Variants in ATAD2 observed in about 807,000 individuals in gnomAD.
ATAD2 encodes ATPase family AAA domain-containing protein 2.
In ATAD2, 62 loss-of-function variants were observed where a neutral mutation model predicts 168.9. The observed-to-expected ratio is 0.37, with a 90% confidence interval of 0.30 to 0.45. ATAD2 has a LOEUF of 0.45. ATAD2 is among the 20% of genes least tolerant of loss of function. ATAD2 has a pLI of 1.00. For missense variants in ATAD2, 1,419 were observed against 1,667.8 expected (o/e 0.85, Z 2.60); for synonymous variants, 613 against 571.6 (o/e 1.07, Z -1.03).
At chr8:123,390,437 G>A (rs1295605459) in intron 1 of ATAD2, among the ~76,000 whole-genome samples, 1 of 152,026 alleles carries the variant, frequency 6.6e-6, no homozygotes, top group Non-Finnish European at 1.5e-5. Context: ...GCCCTTTCTT[G>A]CTTATGACTG....
At chr8:123,337,082 G>C (rs1172423470) in intron 21 of ATAD2, among the ~76,000 whole-genome samples, 1 of 150,632 alleles carries the variant, frequency 6.6e-6, no homozygotes, top group Non-Finnish European at 1.5e-5. Flanking sequence ...AAAAGGGGGG[G>C]CCGAGCATGG....
chr8:123,381,880 C>G (rs1829503773), intron 1 of ATAD2, among the ~76,000 whole-genome samples: 1 of 152,112 alleles, frequency 6.6e-6, no homozygotes, highest in Admixed American at 6.6e-5. Flanking sequence ...AACCCCGTCT[C>G]TACTAAAATA....
upstream of ATAD2, chr8:123,401,269 T>TA: frequency 9.8e-7 from 1 of 1,022,474 alleles, no homozygotes; most frequent in East Asian, 2.4e-5. Flanking sequence ...GAACCGAGAC[T>TA]ACCCTGTGGC....
intron 26 of ATAD2, 132 bp from the exon 27 acceptor site, chr8:123,323,198 G>C: frequency 6.7e-6 from 6 of 891,702 alleles, no homozygotes; most frequent in Non-Finnish European, 9.7e-6. Context: ...ACACAGGGCA[G>C]CCTCTGGCAG....
intron 4 of ATAD2, 50 bp downstream of exon 4, chr8:123,371,620 A>G: frequency 6.6e-7 from 1 of 1,509,730 alleles, no homozygotes; most frequent in Non-Finnish European, 8.9e-7. Flanking sequence ...CCTCCCCAAC[A>G]AAAAGTCTCT....
At chr8:123,355,388 T>C (rs1828609856) in intron 13 of ATAD2, among the ~76,000 whole-genome samples, 1 of 152,174 alleles carries the variant, frequency 6.6e-6, no homozygotes, top group Non-Finnish European at 1.5e-5. Context: ...ACATCATTCA[T>C]GAAACCATTT....
In ATAD2 at chr8:123,371,845, T is replaced by C. The variant is rs16898259; in HGVS notation, c.371-10A>G. On this transcript the variant is annotated splice_polypyrimidine_tract_variant and intron_variant, in intron 3 of 27. Transcript: ENST00000287394. ...ACTGGAATCACTTTGTCTTCACAAA[T>C]GCATACATAAAAATAAATAGAAACA... 8,295 of 1,563,890 alleles carry C rather than the reference T, an allele frequency of 5.3e-3. 354 individuals are homozygous for C. In the African/African-American group the frequency reaches 0.099, roughly 19 times the overall value.
At chr8:123,393,786 G>A (rs1429748500) in intron 1 of ATAD2, among the ~76,000 whole-genome samples, 5 of 151,960 alleles carry the variant, frequency 3.3e-5, no homozygotes, top group East Asian at 1.9e-4. Flanking sequence ...GCGTGGTGGC[G>A]CATGCCTGTA....
chr8:123,414,997 G>T (rs1218243326), intron 1 of ATAD2, among the ~76,000 whole-genome samples: 1 of 152,058 alleles, frequency 6.6e-6, no homozygotes, highest in African/African-American at 2.4e-5. Flanking sequence ...TTGTTGTATA[G>T]GTCCTGTGTG....
chr8:123,352,179 T>TGACAG, intron 13 of ATAD2: 1 of 152,950 alleles, frequency 6.5e-6, no homozygotes, highest in Non-Finnish European at 1.5e-5. Context: ...CTCCTTGCTC[T>TGACAG]GCCATGCCCT....
chr8:123,336,427 T>G lies in ATAD2; in HGVS notation c.3157A>C (p.Ile1053Leu). 6.3e-7 allele frequency: 1 copy of G among 1,586,156 alleles called. No individual in the cohort carries two copies. Among genetic ancestry groups the G allele is most frequent in the Non-Finnish European group, 8.5e-7 (1 of 1,171,252 alleles). Residue 1053 changes from isoleucine to leucine, a missense_variant, in exon 22 of 28, where the codon ATT (isoleucine) becomes CTT (leucine). By Grantham distance (5) the Ile-to-Leu change is conservative. Around this residue, in one of 5 missense-constraint regions of ATAD2, gnomAD observed 545 missense variants for 724.9 expected, o/e 0.75. Coordinates refer to ENST00000287394, the MANE Select transcript of ATAD2 (RefSeq NM_014109.4). Reference sequence around the variant, plus strand: ...AAGGCATTACTACAGATTAGATCAATATCTCTCAAATAGTCTTTCACAGTC... The same window carrying G: ...AAGGCATTACTACAGATTAGATCAAGATCTCTCAAATAGTCTTTCACAGTC... ...YLTVKDYLRD[I>L]DLICSNALEY...
intron 20 of ATAD2, among the ~76,000 whole-genome samples, chr8:123,338,612 T>TATATC (rs1343881326): frequency 3.3e-5 from 5 of 152,202 alleles, no homozygotes; most frequent in African/African-American, 4.8e-5. Flanking sequence ...GAGGCATAAT[T>TATATC]ATATCATTGT....
intron 9 of ATAD2, 40 bp downstream of exon 9, chr8:123,361,499 T>C: frequency 1.3e-6 from 2 of 1,508,570 alleles, no homozygotes; most frequent in East Asian, 2.3e-5. Context: ...TTTTACAAAA[T>C]GTGTCTGCTA....
rs1829131295 is a variant in ATAD2 at position 123,370,890 on chromosome 8, A to G, written c.727+13T>C. The G allele has an allele frequency of 5.1e-6, 8 of 1,565,676 alleles. No individual in the cohort carries two copies. On this transcript the variant is annotated intron_variant, in intron 6 of 27. Transcript: ENST00000287394. ...ATTCAATCCCAGAAGACAGAACAAGAGAAGAGACTAACCCACACTGCCTTC... is the reference window on the plus strand; with the variant it reads ...ATTCAATCCCAGAAGACAGAACAAGGGAAGAGACTAACCCACACTGCCTTC...
intron 1 of ATAD2, among the ~76,000 whole-genome samples, chr8:123,389,449 C>T (rs1245370573): frequency 6.6e-6 from 1 of 150,432 alleles, no homozygotes; most frequent in Non-Finnish European, 1.5e-5. Flanking sequence ...ACCATCCTGG[C>T]TATCACGGTG....
chr8:123,320,912 C>A lies in ATAD2; in HGVS notation c.*222G>T. On this transcript the variant is annotated 3_prime_UTR_variant, in exon 28 of 28. Coordinates refer to ENST00000287394, the MANE Select transcript of ATAD2 (RefSeq NM_014109.4). ...ACTTCAACTATTATTACTATTACTACAGGGTCTTGTTCTAGCAAAGTTCCA... is the reference window on the plus strand; with the variant it reads ...ACTTCAACTATTATTACTATTACTAAAGGGTCTTGTTCTAGCAAAGTTCCA... 1 of 463,618 alleles carries A rather than the reference C, an allele frequency of 2.2e-6. No individual in the cohort carries two copies. Among genetic ancestry groups the A allele is most frequent in the Non-Finnish European group, 3.7e-6 (1 of 268,472 alleles). 28.7% of individuals were successfully genotyped at this position (463,618 alleles called of 1,614,324 possible). A position where few individuals can be genotyped will look rare whatever the true frequency, so the allele number is the denominator to read the frequency against.
intron 25 of ATAD2, among the ~76,000 whole-genome samples, chr8:123,326,280 G>C (rs1218839997): frequency 6.6e-6 from 1 of 152,064 alleles, no homozygotes; most frequent in Admixed American, 6.6e-5. Context: ...TCTTCTACTT[G>C]AGCACAAGAC....
At chr8:123,415,332 A>T (rs1813240486) in intron 1 of ATAD2, among the ~76,000 whole-genome samples, 1 of 152,222 alleles carries the variant, frequency 6.6e-6, no homozygotes, top group African/African-American at 2.4e-5. Context: ...TTGTATTAGG[A>T]GCTGAGAGGC....
chr8:123,327,191 A>T (rs2131278428), intron 25 of ATAD2, among the ~76,000 whole-genome samples: 1 of 152,332 alleles, frequency 6.6e-6, no homozygotes, highest in East Asian at 1.9e-4. Context: ...AGTGTGAGCC[A>T]CCACGCCTGA....
Sources: allele counts gnomAD v4.1 joint callset (sites outside exome capture counted in the v4.1 genomes callset), GRCh38; gene constraint gnomAD v4.1.1; regional missense constraint gnomAD v4.1.1; transcripts MANE v1.5; gene names NCBI Gene and HGNC (gene_info 2026-07-23, HGNC 2026-07-21).